The following PDE4D variants were observed in gnomAD, a reference collection of about 807,000 sequenced individuals.
The protein encoded by PDE4D is phosphodiesterase 4D.
Under a neutral mutation model 87.4 loss-of-function variants are expected in PDE4D, and 24 were observed. That is an observed-to-expected ratio of 0.27 (90% CI 0.20 to 0.39). The LOEUF is 0.39. Among genes scored for constraint, PDE4D ranks in the 10% least tolerant of loss-of-function variants. The pLI is 1.00. For synonymous variants in PDE4D, 384 were observed against 383.2 expected (o/e 1.00, Z -0.02); for missense variants, 714 against 1,041.0 (o/e 0.69, Z 4.32).
intron 5 of PDE4D, among the ~76,000 whole-genome samples, chr5:59,139,537 G>A (rs546100940): frequency 6.6e-6 from 1 of 152,292 alleles, no homozygotes; most frequent in Non-Finnish European, 1.5e-5. Flanking sequence ...GCCTAGGCTG[G>A]AGTGCAGTGG....
chr5:60,133,317 C>T (rs147353206), intron 2 of PDE4D, among the ~76,000 whole-genome samples: 11 of 152,126 alleles, frequency 7.2e-5, no homozygotes, highest in Non-Finnish European at 1.2e-4. Context: ...TTGCCGTCAA[C>T]TTATTTATTT....
At chr5:60,388,568 G>A (rs1762359806) in intron 1 of PDE4D, among the ~76,000 whole-genome samples, 1 of 152,108 alleles carries the variant, frequency 6.6e-6, no homozygotes, top group Non-Finnish European at 1.5e-5. Flanking sequence ...TCCCACTTGT[G>A]AGTGAGAACA....
At chr5:60,064,380 G>C (rs189605288) in intron 2 of PDE4D, among the ~76,000 whole-genome samples, 18 of 152,108 alleles carry the variant, frequency 1.2e-4, no homozygotes, top group Admixed American at 2.6e-4. Context: ...GGCTAGTAAG[G>C]AGAACACCCA....
At chr5:59,917,685 T>C (rs895945077) in intron 3 of PDE4D, among the ~76,000 whole-genome samples, 2 of 152,220 alleles carry the variant, frequency 1.3e-5, no homozygotes, top group African/African-American at 4.8e-5. Context: ...TTGTAAGCTT[T>C]TAGTACATAC....
intron 5 of PDE4D, among the ~76,000 whole-genome samples, chr5:59,125,633 G>A (rs1468809129): frequency 1.3e-5 from 2 of 152,150 alleles, no homozygotes; most frequent in Admixed American, 6.5e-5. Context: ...GAATGTGTAG[G>A]TGGGAAGAAG....
chr5:59,263,138 T>A (rs905258243), intron 1 of PDE4D, among the ~76,000 whole-genome samples: 40 of 151,734 alleles, frequency 2.6e-4, no homozygotes, highest in Non-Finnish European at 1.2e-4. Context: ...TAAAAGAAAA[T>A]TAAAAATAAA....
chr5:59,238,236 A>T (rs1756904293), intron 1 of PDE4D, among the ~76,000 whole-genome samples: 1 of 152,152 alleles, frequency 6.6e-6, no homozygotes, highest in African/African-American at 2.4e-5. Flanking sequence ...TACTTATGTT[A>T]TGGGGGCACA....
At chr5:59,900,494 T>A (rs1360455745) in intron 3 of PDE4D, among the ~76,000 whole-genome samples, 1 of 152,142 alleles carries the variant, frequency 6.6e-6, no homozygotes, top group Admixed American at 6.6e-5. Flanking sequence ...AAGATATTCA[T>A]AAGAATGATA....
upstream of PDE4D, chr5:60,489,815 C>G (rs760992937): frequency 2.6e-5 from 4 of 152,248 alleles, no homozygotes; most frequent in Middle Eastern, 6.8e-3. Flanking sequence ...CTCCCTGCTT[C>G]TCATCTCCTT....
chr5:59,771,419 AAGAAAG>A (rs1283743180), intron 1 of PDE4D, among the ~76,000 whole-genome samples: 42 of 136,210 alleles, frequency 3.1e-4, no homozygotes, highest in South Asian at 5.0e-4. Context: ...AAAAGAAGGA[AAGAAAG>A]AAAAAGAAAA....
At chr5:59,968,105 C>T (rs867883142) in intron 3 of PDE4D, among the ~76,000 whole-genome samples, 5 of 150,850 alleles carry the variant, frequency 3.3e-5, no homozygotes, top group African/African-American at 1.2e-4. Flanking sequence ...CTACTTTAGC[C>T]TCCCGAGTAG....
chr5:59,497,552 C>A lies in PDE4D; in HGVS notation c.456-281584G>T, dbSNP rs145572750. Among the ~76,000 whole-genome samples the A allele has an allele frequency of 5.1e-3, 774 of 151,846 alleles. 4 individuals carry two copies. Among genetic ancestry groups the A allele is most frequent in the Non-Finnish European group, 7.6e-3 (515 of 67,946 alleles). On this transcript the variant is annotated intron_variant, in intron 1 of 14. Transcript: ENST00000340635. ...GGGAATTTCAAAATACAGTTGGAAG[C>A]CTTAACAACAGACTATACCAAGCAG... is the stretch of plus-strand genomic sequence containing the variant.
chr5:60,370,793 AC>A (rs1470310184), intron 1 of PDE4D, among the ~76,000 whole-genome samples: 1 of 151,782 alleles, frequency 6.6e-6, no homozygotes, highest in African/African-American at 2.4e-5. Flanking sequence ...GTGCATGCCC[AC>A]TTGTGTGTAA....
At chr5:60,108,006 C>T (rs1187697252) in intron 2 of PDE4D, among the ~76,000 whole-genome samples, 1 of 152,042 alleles carries the variant, frequency 6.6e-6, no homozygotes, top group Non-Finnish European at 1.5e-5. Flanking sequence ...AAGTTCTGAC[C>T]AGGGCAATTA....
At chr5:59,900,263 T>C (rs13169760) in intron 3 of PDE4D, among the ~76,000 whole-genome samples, 5,111 of 135,686 alleles carry the variant, frequency 0.038, 112 homozygotes, top group Middle Eastern at 0.06. Flanking sequence ...TATATATATA[T>C]ACACACACAC....
chr5:59,048,712 T>C (rs1203635660), intron 5 of PDE4D, among the ~76,000 whole-genome samples: 2 of 152,200 alleles, frequency 1.3e-5, no homozygotes, highest in Non-Finnish European at 2.9e-5. Context: ...AAGCTATTAA[T>C]AAATAGAAAG....
intron 1 of PDE4D, among the ~76,000 whole-genome samples, chr5:60,274,899 G>A (rs1583280321): frequency 6.6e-6 from 1 of 152,222 alleles, no homozygotes; most frequent in South Asian, 2.1e-4. Flanking sequence ...GCTACCAGCA[G>A]TATTAGCATC....
At chr5:59,311,338 T>C (rs191843235) in intron 1 of PDE4D, among the ~76,000 whole-genome samples, 30 of 151,348 alleles carry the variant, frequency 2.0e-4, no homozygotes, top group Admixed American at 1.6e-3. Flanking sequence ...CCGTCTCTAC[T>C]AAAAATACAA....
chr5:60,044,366 C>CTT (rs56387023), intron 2 of PDE4D, among the ~76,000 whole-genome samples: 46 of 151,404 alleles, frequency 3.0e-4, no homozygotes, highest in Non-Finnish European at 4.7e-4. Context: ...CTAGTTTTTC[C>CTT]TTTTTTTTAT....
Sources: allele counts gnomAD v4.1 joint callset (sites outside exome capture counted in the v4.1 genomes callset), GRCh38; gene constraint gnomAD v4.1.1; transcripts MANE v1.5; gene names NCBI Gene and HGNC (gene_info 2026-07-23, HGNC 2026-07-21).